SCAPER: variants seen among roughly 807,000 people sequenced by gnomAD.
SCAPER encodes S phase cyclin A-associated protein in the endoplasmic reticulum.
Under a neutral mutation model 182.2 loss-of-function variants are expected in SCAPER, and 98 were observed. That is an observed-to-expected ratio of 0.54 (90% confidence interval 0.46 to 0.64). SCAPER has a LOEUF of 0.64. Ranked by LOEUF, SCAPER falls within the 30% of genes least tolerant of loss-of-function variation. SCAPER has a pLI of 0.00. For synonymous variants in SCAPER, 605 were observed against 564.6 expected (o/e 1.07, Z -1.01); for missense variants, 1,432 against 1,690.0 (o/e 0.85, Z 2.68).
At chr15:76,609,722 T>C (rs1037192952) in intron 22 of SCAPER, among the ~76,000 whole-genome samples, 6 of 152,242 alleles carry the variant, frequency 3.9e-5, no homozygotes, top group Non-Finnish European at 5.9e-5. Context: ...AAGATGGACA[T>C]GATGTACTAG....
At chr15:76,636,062 A>G (rs1466521187) in intron 21 of SCAPER, among the ~76,000 whole-genome samples, 7 of 152,146 alleles carry the variant, frequency 4.6e-5, no homozygotes. Flanking sequence ...TGTTATGCTG[A>G]TTTTGTAAAA....
At chr15:76,527,188 T>G (rs1045494320) in intron 23 of SCAPER, among the ~76,000 whole-genome samples, 1 of 152,246 alleles carries the variant, frequency 6.6e-6, no homozygotes. Context: ...GACAGTTTTA[T>G]AAAATTAATT....
chr15:76,843,476 A>G (rs1424276381), intron 4 of SCAPER, among the ~76,000 whole-genome samples: 3 of 152,228 alleles, frequency 2.0e-5, no homozygotes, highest in Non-Finnish European at 2.9e-5. Flanking sequence ...TCAATCTTTC[A>G]ATTTCTGCTC....
rs180947679 is a variant in SCAPER, at chr15:76,604,686, T to G, written c.2711+17078A>C. 3.2e-3 allele frequency among the ~76,000 whole-genome samples: 493 copies of G among 152,244 alleles called. 6 individuals carry two copies. The highest frequency in any genetic ancestry group is 0.014 in the Admixed American group (219 of 15,276). ...TGGAATGTTCTTCCATTTGTCTGTA[T>G]CCTCCTTTATTTCACTGAGCAGTGG... On this transcript the variant is annotated intron_variant, in intron 22 of 31. Transcript: ENST00000563290.
Position 76,404,508 on chromosome 15 carries a change from C to T in SCAPER, c.3467+16G>A. Reference sequence around the variant, plus strand: ...CCAAAAGTTGAGTCTAGATTGAGATCAAGTAGATGCCTTACCTTCCAGTGA... The same window carrying T: ...CCAAAAGTTGAGTCTAGATTGAGATTAAGTAGATGCCTTACCTTCCAGTGA... On this transcript the variant is annotated intron_variant, in intron 27 of 31. Transcript: ENST00000563290. 1 of 1,582,348 alleles carries T rather than the reference C, an allele frequency of 6.3e-7. No individual in the cohort carries two copies. The highest frequency in any genetic ancestry group is 8.6e-7 in the Non-Finnish European group (1 of 1,158,476).
At chr15:76,722,860 G>C (rs1490607472) in intron 17 of SCAPER, among the ~76,000 whole-genome samples, 1 of 151,830 alleles carries the variant, frequency 6.6e-6, no homozygotes, top group East Asian at 1.9e-4. Flanking sequence ...CGATTTTGCT[G>C]ATCTTTTAAA....
chr15:76,534,089 G>T (rs1470408057), intron 23 of SCAPER, among the ~76,000 whole-genome samples: 1 of 152,162 alleles, frequency 6.6e-6, no homozygotes, highest in East Asian at 1.9e-4. Flanking sequence ...TCACTATAGT[G>T]AGCAGGCCTG....
chr15:76,472,471 T>TA (rs1426528985), intron 24 of SCAPER: 15 of 439,942 alleles, frequency 3.4e-5, no homozygotes, highest in Admixed American at 1.1e-4. Context: ...TACTTTTTTT[T>TA]ACTCCTGCCT....
intron 17 of SCAPER, among the ~76,000 whole-genome samples, chr15:76,708,033 G>A (rs999056846): frequency 1.1e-4 from 16 of 151,962 alleles, no homozygotes; most frequent in African/African-American, 3.1e-4. Context: ...TATAGTTGTC[G>A]CTCAGTATCC....
intron 27 of SCAPER, among the ~76,000 whole-genome samples, chr15:76,394,566 C>G (rs2043922971): frequency 6.6e-6 from 1 of 152,140 alleles, no homozygotes; most frequent in African/African-American, 2.4e-5. Context: ...CGTCTCTTAC[C>G]TGGACAACTG....
chr15:76,904,139 T>C (rs966246230), intron 1 of SCAPER, among the ~76,000 whole-genome samples: 2 of 151,980 alleles, frequency 1.3e-5, no homozygotes, highest in Non-Finnish European at 2.9e-5. Context: ...AGAGCACCAG[T>C]ATAGGCCAGA....
intron 26 of SCAPER, among the ~76,000 whole-genome samples, chr15:76,405,685 C>T (rs1195080539): frequency 6.6e-6 from 1 of 152,132 alleles, no homozygotes; most frequent in African/African-American, 2.4e-5. Flanking sequence ...CTATAAAAGA[C>T]CTTGTAGATA....
intron 24 of SCAPER, among the ~76,000 whole-genome samples, chr15:76,488,709 ACTGCC>A (rs2051921585): frequency 1.3e-5 from 1 of 74,976 alleles, no homozygotes; most frequent in Non-Finnish European, 2.6e-5. Flanking sequence ...ATAACAGTAC[ACTGCC>A]TTTTTTTTTT....
intron 15 of SCAPER, among the ~76,000 whole-genome samples, chr15:76,749,690 CAGATAAATTT>C (rs1568007284): frequency 6.6e-6 from 1 of 152,004 alleles, no homozygotes; most frequent in East Asian, 1.9e-4. Context: ...ATATGAACTA[CAGATAAATTT>C]CACAAAACAG....
chr15:76,585,525 G>T (rs1354728129), intron 22 of SCAPER, among the ~76,000 whole-genome samples: 2 of 152,080 alleles, frequency 1.3e-5, no homozygotes, highest in African/African-American at 4.8e-5. Context: ...TGCAGCCATA[G>T]CAACAGATAT....
intron 20 of SCAPER, among the ~76,000 whole-genome samples, chr15:76,685,525 C>A (rs777791208): frequency 1.3e-5 from 2 of 151,924 alleles, no homozygotes; most frequent in African/African-American, 4.8e-5. Flanking sequence ...GTAAAAAATA[C>A]CGCCAGGGGG....
intron 27 of SCAPER, among the ~76,000 whole-genome samples, chr15:76,383,788 G>A (rs565377445): frequency 1.2e-4 from 18 of 152,188 alleles, no homozygotes; most frequent in Non-Finnish European, 1.9e-4. Flanking sequence ...CAGGTCAAAC[G>A]GAGGCTGACC....
chr15:76,637,740 ATATGTGTGTGTGTGTGTGTGTGTGTG>A (rs1158597200), intron 21 of SCAPER, among the ~76,000 whole-genome samples: 53 of 31,932 alleles, frequency 1.7e-3, no homozygotes, highest in African/African-American at 4.0e-3. Flanking sequence ...ATATATATAT[ATATGTGTGTGTGTGTGTGTGTGTGTG>A]TGTGTGTGTG....
chr15:76,600,191 G>A (rs1165686171), intron 22 of SCAPER, among the ~76,000 whole-genome samples: 1 of 119,666 alleles, frequency 8.4e-6, no homozygotes, highest in African/African-American at 2.5e-5. Context: ...AAAAACTACA[G>A]AAATATCTAT....
Sources: gnomAD v4.1 joint callset for allele counts (sites outside exome capture counted in the v4.1 genomes callset) on GRCh38, gnomAD v4.1.1 for gene constraint, MANE v1.5 for transcripts, NCBI Gene and HGNC (gene_info 2026-07-23, HGNC 2026-07-21) for gene names.